The following PKP1 variants were observed in gnomAD, a reference collection of about 807,000 sequenced individuals.
PKP1 encodes the protein plakophilin-1.
A neutral mutation model predicts 76.4 loss-of-function variants in PKP1; 27 were observed. The ratio of observed to expected loss-of-function variants is 0.35; its 90% CI spans 0.26 to 0.49. The LOEUF (loss-of-function observed/expected upper bound fraction) is 0.49. PKP1 is among the 20% of genes least tolerant of loss of function. The pLI is 0.99. For missense variants in PKP1, 964 were observed against 955.2 expected (o/e 1.01, Z -0.12); for synonymous variants, 404 against 384.2 (o/e 1.05, Z -0.60).
In PKP1 at chr1:201,283,768, G is replaced by A. The variant is rs528746460; in HGVS notation, c.66G>A (p.Thr22=). 8 of 1,614,050 alleles carry A rather than the reference G, an allele frequency of 5.0e-6. No individual in the cohort carries two copies. The highest frequency in any genetic ancestry group is 6.8e-6 in the Non-Finnish European group (8 of 1,179,994). Residue 22 remains threonine (T), a synonymous_variant, in exon 1 of 14, where the codon ACG becomes ACA. Transcript: ENST00000367324. ...YECFQDQDNS[T]LALPSDQKMK... ...GCTTCCAGGACCAGGACAACTCCAC[G>A]TTGGCTTTGCCGTCGGACCAAAAGA...
chr1:201,308,917 G>C (rs1407463267), intron 2 of PKP1, among the ~76,000 whole-genome samples: 1 of 152,158 alleles, frequency 6.6e-6, no homozygotes, highest in Non-Finnish European at 1.5e-5. Flanking sequence ...GTAAGCTGAT[G>C]GGACCCGGAG....
At chr1:201,317,136 G>A (rs1342489749) in intron 4 of PKP1, among the ~76,000 whole-genome samples, 1 of 152,152 alleles carries the variant, frequency 6.6e-6, no homozygotes, top group Non-Finnish European at 1.5e-5. Flanking sequence ...ACACTACAGG[G>A]TTCTTCAGTT....
intron 1 of PKP1, among the ~76,000 whole-genome samples, chr1:201,285,655 T>A (rs116038912): frequency 0.012 from 1,866 of 152,280 alleles, 35 homozygotes; most frequent in African/African-American, 0.043. Context: ...TCCCACTCCA[T>A]CCCAGCCTGA....
intron 1 of PKP1, among the ~76,000 whole-genome samples, chr1:201,291,864 C>G (rs1187574134): frequency 6.6e-6 from 1 of 152,194 alleles, no homozygotes; most frequent in East Asian, 1.9e-4. Flanking sequence ...GGCTGCAGCC[C>G]CCTTCCTTGG....
In PKP1 at chr1:201,316,553, G is replaced by A. The variant is rs763269762; in HGVS notation, c.702G>A (p.Lys234=). ...LSFGHSRASS[K]ICSEDIECSG... is the part of the protein sequence containing the mutation. Reference sequence around the variant, plus strand: ...CACCCCCACTGCCTATTCTTCACAGGATCTGCAGTGAGGACATCGAGTGCA... The same window carrying A: ...CACCCCCACTGCCTATTCTTCACAGAATCTGCAGTGAGGACATCGAGTGCA... Residue 234 remains lysine, a splice_region_variant and synonymous_variant, in exon 4 of 14, where the codon AAG becomes AAA. Coordinates refer to ENST00000367324, the MANE Select transcript of PKP1 (RefSeq NM_001005337.3). 1.2e-6 allele frequency: 2 copies of A among 1,604,964 alleles called. No individual in the cohort carries two copies. The highest frequency in any genetic ancestry group is 1.7e-6 in the Non-Finnish European group (2 of 1,175,512).
chr1:201,318,965 G>T lies in PKP1; in HGVS notation c.1232+170G>T, dbSNP rs139834483. 2.9e-3 allele frequency among the ~76,000 whole-genome samples: 447 copies of T among 152,276 alleles called. 2 individuals carry two copies. Among genetic ancestry groups the T allele is most frequent in the African/African-American group, 9.0e-3 (372 of 41,550 alleles). On this transcript the variant is annotated intron_variant, in intron 6 of 13. Transcript: ENST00000367324. Reference sequence around the variant, plus strand: ...GGACTCAGGCCTTCCTAACTTCCCTGGAACTGGATAAGGCCCAGGACCCTA... The same window carrying T: ...GGACTCAGGCCTTCCTAACTTCCCTTGAACTGGATAAGGCCCAGGACCCTA...
rs184565243 is a variant in PKP1, at chr1:201,330,339, T to A, written c.*298T>A. ...TCCTCTGAGAAATGGTATATATATG[T>A]GTATAATGTAAGTGTGTGCATGCAT... On this transcript the variant is annotated 3_prime_UTR_variant, in exon 14 of 14. Transcript: ENST00000367324. 113 of 152,140 alleles carry A rather than the reference T, an allele frequency of 7.4e-4. No homozygotes were observed. Among genetic ancestry groups the A allele is most frequent in the African/African-American group, 2.6e-3 (107 of 41,476 alleles). 9.4% of individuals were successfully genotyped at this position (152,140 alleles called of 1,614,324 possible).
Position 201,324,419 on chromosome 1 carries a change from C to G in PKP1, c.1681-9C>G, listed in dbSNP as rs373302071. ...CAGGCTAGCTCATCATCTACTCCTT[C>G]TCTCTTAGATGTCCAGTGGCATGAG... On this transcript the variant is annotated splice_polypyrimidine_tract_variant and intron_variant, in intron 9 of 13. Transcript: ENST00000367324. The G allele has an allele frequency of 2.5e-6, 4 of 1,613,906 alleles. No individual in the cohort carries two copies. The highest frequency in any genetic ancestry group is 3.4e-6 in the Non-Finnish European group (4 of 1,179,930).
chr1:201,300,185 A>G (rs832148), intron 2 of PKP1, among the ~76,000 whole-genome samples: 25,703 of 152,308 alleles, frequency 0.17, 2,506 homozygotes, highest in East Asian at 0.24. Context: ...AAATGGAGGC[A>G]AGTGAGCGGG....
At chr1:201,320,656 G>T (rs565886015) in intron 7 of PKP1, among the ~76,000 whole-genome samples, 17 of 152,348 alleles carry the variant, frequency 1.1e-4, no homozygotes, top group African/African-American at 3.6e-4. Context: ...AATGGAAAGG[G>T]TCATAATCAT....
chr1:201,326,324 G>A (rs566957641), intron 12 of PKP1, among the ~76,000 whole-genome samples: 1 of 152,366 alleles, frequency 6.6e-6, no homozygotes, highest in South Asian at 2.1e-4. Flanking sequence ...CTGTGAGCAA[G>A]GCAGAGTGGG....
intron 2 of PKP1, among the ~76,000 whole-genome samples, chr1:201,299,924 G>C (rs995666259): frequency 6.6e-6 from 1 of 152,196 alleles, no homozygotes; most frequent in Non-Finnish European, 1.5e-5. Context: ...CGGGCCTCTC[G>C]TCTTTTCTTG....
intron 1 of PKP1, among the ~76,000 whole-genome samples, chr1:201,286,927 T>TA (rs938211585): frequency 6.6e-6 from 1 of 152,136 alleles, no homozygotes; most frequent in African/African-American, 2.4e-5. Context: ...AATCTCTTCC[T>TA]AAAGCTGAAC....
At chr1:201,307,117 C>T (rs1656394085) in intron 2 of PKP1, among the ~76,000 whole-genome samples, 1 of 151,168 alleles carries the variant, frequency 6.6e-6, no homozygotes, top group Admixed American at 6.6e-5. Context: ...CTGGAGTTCT[C>T]ACCTGGGTGG....
chr1:201,310,166 G>A (rs932901199), intron 2 of PKP1, among the ~76,000 whole-genome samples: 15 of 152,146 alleles, frequency 9.9e-5, no homozygotes, highest in Non-Finnish European at 1.9e-4. Context: ...AAGTCCTAAG[G>A]CAGCCAGCCT....
chr1:201,323,830 C>A (rs1391297668), intron 9 of PKP1, among the ~76,000 whole-genome samples: 21 of 152,120 alleles, frequency 1.4e-4, no homozygotes, highest in Admixed American at 1.4e-3. Context: ...TCTGAGAATG[C>A]CAAACCCACC....
intron 3 of PKP1, chr1:201,316,149 C>CGGACGGACGGACGGACGGAT (rs1558191684): frequency 2.7e-3 from 333 of 124,046 alleles, no homozygotes; most frequent in African/African-American, 9.8e-3. Flanking sequence ...GATGGACGGA[C>CGGACGGACGGACGGACGGAT]GGATGGATGG....
chr1:201,317,558 C>T lies in PKP1; in HGVS notation c.847-14C>T. The T allele has an allele frequency of 6.2e-7, 1 of 1,611,364 alleles. No individual in the cohort carries two copies. The highest frequency in any genetic ancestry group is 8.5e-7 in the Non-Finnish European group (1 of 1,177,614). On this transcript the variant is annotated splice_polypyrimidine_tract_variant and intron_variant, in intron 4 of 13. Coordinates refer to ENST00000367324, the MANE Select transcript of PKP1 (RefSeq NM_001005337.3). Reference sequence around the variant, plus strand: ...CTCCCTTGACCAGGCAGCGTGGCAACTCTTTCCTGGCAGGTCTATCAGCTG... The same window carrying T: ...CTCCCTTGACCAGGCAGCGTGGCAATTCTTTCCTGGCAGGTCTATCAGCTG...
intron 2 of PKP1, among the ~76,000 whole-genome samples, chr1:201,307,755 A>G (rs1656413124): frequency 6.6e-6 from 1 of 152,212 alleles, no homozygotes; most frequent in South Asian, 2.1e-4. Flanking sequence ...GCAAGTCGCA[A>G]ATGGAACCTG....
Sources: allele counts gnomAD v4.1 joint callset (sites outside exome capture counted in the v4.1 genomes callset), GRCh38; gene constraint gnomAD v4.1.1; transcripts MANE v1.5; gene names NCBI Gene and HGNC (gene_info 2026-07-23, HGNC 2026-07-21).